The following TENM2 variants were observed in gnomAD, a reference collection of about 807,000 sequenced individuals.
TENM2 encodes teneurin transmembrane protein 2, also known as teneurin-2.
TENM2 carries 52 observed loss-of-function variants against 245.2 expected under a neutral mutation model. The observed-to-expected ratio is 0.21, with a 90% CI of 0.17 to 0.27. The LOEUF (loss-of-function observed/expected upper bound fraction) is 0.27. TENM2 is among the 10% of genes least tolerant of loss of function. TENM2 has a pLI of 1.00. For missense variants in TENM2, 3,046 were observed against 3,666.8 expected (o/e 0.83, Z 4.37); for synonymous variants, 1,363 against 1,438.9 (o/e 0.95, Z 1.19).
At chr5:167,635,773 T>C (rs1779168838) in intron 2 of TENM2, among the ~76,000 whole-genome samples, 1 of 151,100 alleles carries the variant, frequency 6.6e-6, no homozygotes, top group Non-Finnish European at 1.5e-5. Context: ...GCCTCCCTAG[T>C]AGCTGGGACT....
At chr5:167,073,554 C>T in the TENM2 span, among the ~76,000 whole-genome samples, 2 of 152,168 alleles carry the variant, frequency 1.3e-5, no homozygotes, top group African/African-American at 4.8e-5. Context: ...GTCTCTCCCC[C>T]TCCCAACCCA....
At chr5:167,589,086 C>T (rs1385698562) in intron 2 of TENM2, among the ~76,000 whole-genome samples, 2 of 151,766 alleles carry the variant, frequency 1.3e-5, no homozygotes, top group Non-Finnish European at 2.9e-5. Context: ...CCTATAATCC[C>T]AGCTACTTGG....
chr5:167,866,666 A>G (rs971985004), intron 2 of TENM2, among the ~76,000 whole-genome samples: 2 of 152,192 alleles, frequency 1.3e-5, no homozygotes, highest in East Asian at 3.9e-4. Context: ...TTTAAACTAT[A>G]CTATAGGCAA....
At chr5:167,478,524 G>T (rs1221081049) in intron 2 of TENM2, among the ~76,000 whole-genome samples, 2 of 152,068 alleles carry the variant, frequency 1.3e-5, no homozygotes, top group Non-Finnish European at 2.9e-5. Flanking sequence ...ACTGGAAATG[G>T]GTTTCCTATC....
chr5:167,305,045 T>G (rs1755588259), intron 1 of TENM2, among the ~76,000 whole-genome samples: 1 of 152,126 alleles, frequency 6.6e-6, no homozygotes, highest in Admixed American at 6.5e-5. Context: ...CTGAAGGCCC[T>G]TCCCTGCACT....
At chr5:168,144,162 T>A (rs543970874) in intron 12 of TENM2, among the ~76,000 whole-genome samples, 6 of 152,200 alleles carry the variant, frequency 3.9e-5, no homozygotes, top group Non-Finnish European at 5.9e-5. Context: ...CCCAGCCTAC[T>A]ATACTTCTTT....
chr5:167,034,471 A>G, the TENM2 span, among the ~76,000 whole-genome samples: 5 of 151,920 alleles, frequency 3.3e-5, no homozygotes, highest in Admixed American at 1.3e-4. Flanking sequence ...TCTACTAAAA[A>G]TACAAAAAAT....
chr5:167,110,119 G>A, the TENM2 span, among the ~76,000 whole-genome samples: 1 of 152,110 alleles, frequency 6.6e-6, no homozygotes, highest in Non-Finnish European at 1.5e-5. Context: ...GAGGCCGAGG[G>A]CTCCCAACAG....
At chr5:167,989,268 AAGAGAGAG>A (rs10617322) in intron 4 of TENM2, among the ~76,000 whole-genome samples, 265 of 145,016 alleles carry the variant, frequency 1.8e-3, no homozygotes, top group Middle Eastern at 3.5e-3. Flanking sequence ...AAGATAGAGA[AAGAGAGAG>A]AGAGAGAGAG....
At chr5:167,219,746 A>G in the TENM2 span, among the ~76,000 whole-genome samples, 100 of 152,346 alleles carry the variant, frequency 6.6e-4, no homozygotes, top group African/African-American at 2.3e-3. Flanking sequence ...AACTAATGCT[A>G]TGAAAAAGCA....
intron 2 of TENM2, among the ~76,000 whole-genome samples, chr5:167,552,159 G>T (rs1772988342): frequency 1.3e-5 from 2 of 152,126 alleles, no homozygotes; most frequent in Non-Finnish European, 2.9e-5. Flanking sequence ...AATGAGCTAG[G>T]CAAGGCGGCA....
At chr5:167,927,988 G>T (rs909570129) in intron 3 of TENM2, among the ~76,000 whole-genome samples, 1 of 152,158 alleles carries the variant, frequency 6.6e-6, no homozygotes, top group African/African-American at 2.4e-5. Flanking sequence ...TTTTGGTAGG[G>T]AATCACCAGC....
At chr5:168,229,580 G>GTAAACAATGGAACAAAGAAAGAGTTTA (rs1477166187) in intron 25 of TENM2, 2 of 151,732 alleles carry the variant, frequency 1.3e-5, no homozygotes, top group Non-Finnish European at 2.9e-5. Context: ...TAGGAAGTCA[G>GTAAACAATGGAACAAAGAAAGAGTTTA]TAAACAATGG....
chr5:167,335,190 A>G (rs1208364828), intron 1 of TENM2, among the ~76,000 whole-genome samples: 1 of 152,206 alleles, frequency 6.6e-6, no homozygotes, highest in Non-Finnish European at 1.5e-5. Context: ...GCAAAGCAGG[A>G]GCAGGCACTT....
At chr5:167,791,314 T>C (rs889555526) in intron 2 of TENM2, among the ~76,000 whole-genome samples, 5 of 149,980 alleles carry the variant, frequency 3.3e-5, no homozygotes, top group Admixed American at 6.7e-5. Flanking sequence ...GTGTATCTTA[T>C]GTATAATGTA....
At chr5:167,486,399 G>T (rs1262173616) in intron 2 of TENM2, among the ~76,000 whole-genome samples, 17 of 151,146 alleles carry the variant, frequency 1.1e-4, no homozygotes, top group Non-Finnish European at 2.4e-4. Flanking sequence ...CGCCATCTCG[G>T]CTTGCTGCAA....
At chr5:167,375,728 T>C (rs966320669) in intron 2 of TENM2, among the ~76,000 whole-genome samples, 1 of 152,212 alleles carries the variant, frequency 6.6e-6, no homozygotes, top group African/African-American at 2.4e-5. Flanking sequence ...TATTAGCAAG[T>C]AAATTACATT....
intron 1 of TENM2, among the ~76,000 whole-genome samples, chr5:167,330,944 A>C (rs887876558): frequency 2.0e-5 from 3 of 152,138 alleles, no homozygotes; most frequent in African/African-American, 7.2e-5. Context: ...TTACCTATTG[A>C]AAAGCATTAT....
At chr5:167,590,274 GTCT>G (rs1191245714) in intron 2 of TENM2, among the ~76,000 whole-genome samples, 52 of 151,432 alleles carry the variant, frequency 3.4e-4, no homozygotes, top group African/African-American at 1.2e-3. Flanking sequence ...AAGGTCTAAG[GTCT>G]TCTTCTACTA....
Sources: gnomAD v4.1 joint callset for allele counts (sites outside exome capture counted in the v4.1 genomes callset) on GRCh38, gnomAD v4.1.1 for gene constraint, MANE v1.5 for transcripts, NCBI Gene and HGNC (gene_info 2026-07-23, HGNC 2026-07-21) for gene names.